NCBP3: variants seen among roughly 807,000 people sequenced by gnomAD.
NCBP3 encodes nuclear cap-binding protein subunit 3.
In NCBP3, 20 loss-of-function variants were observed where a neutral mutation model predicts 75.7. That is an observed-to-expected ratio of 0.26 (90% CI 0.19 to 0.38). NCBP3 has a LOEUF of 0.38. Ranked by LOEUF, NCBP3 falls within the 10% of genes least tolerant of loss-of-function variation. The probability of loss-of-function intolerance (pLI) is 1.00; values close to 1 mark genes in which losing one functional copy is unlikely to be tolerated. For missense variants in NCBP3, 678 were observed against 796.9 expected (o/e 0.85, Z 1.80); for synonymous variants, 293 against 290.5 (o/e 1.01, Z -0.09).
At position 3,846,114 on chromosome 17, in the gene NCBP3, G is replaced by A. The variant is rs1463076012; in HGVS notation, c.110C>T (p.Pro37Leu). 12 of 1,548,234 alleles carry A rather than the reference G, an allele frequency of 7.8e-6. No individual in the cohort carries two copies. The Admixed American group carries it at 1.2e-4, about 15-fold the overall frequency. Reference sequence around the variant, plus strand: ...GCCCTCCTCCACCTCCATGGGCTCCGGCTCGCCACGGTCAACACCGGACTC... The same window carrying A: ...GCCCTCCTCCACCTCCATGGGCTCCAGCTCGCCACGGTCAACACCGGACTC... ...EAESGVDRGE[P>L]EPMEVEEGEL... Residue 37 changes from proline (P) to leucine (L), a missense_variant, in exon 1 of 13, where the codon CCG becomes CTG. Coordinates refer to ENST00000389005, the MANE Select transcript of NCBP3 (RefSeq NM_001114118.3). The surrounding 1 kb of genome is among the most constrained non-coding windows in gnomAD (Gnocchi z 4.6).
At chr17:3,814,812 T>C (rs35179217) in intron 11 of NCBP3, among the ~76,000 whole-genome samples, 47,392 of 151,988 alleles carry the variant, frequency 0.31, 7,712 homozygotes, top group African/African-American at 0.37. Flanking sequence ...TGTGAGCTCC[T>C]GGAAAGTGGA....
intron 9 of NCBP3, among the ~76,000 whole-genome samples, 155 bp downstream of exon 9, chr17:3,821,094 A>G (rs938272480): frequency 3.9e-5 from 6 of 152,178 alleles, no homozygotes; most frequent in Non-Finnish European, 8.8e-5. Context: ...CTTAAAATTA[A>G]TTGTGACTTG....
chr17:3,829,077 G>C (rs973809591), intron 4 of NCBP3, among the ~76,000 whole-genome samples, 166 bp downstream of exon 4: 16 of 152,230 alleles, frequency 1.1e-4, no homozygotes, highest in Admixed American at 1.0e-3. Context: ...GACTGGCAAG[G>C]GCATGCTGCG....
intron 3 of NCBP3, among the ~76,000 whole-genome samples, chr17:3,832,923 T>C (rs979798218): frequency 2.0e-5 from 3 of 152,064 alleles, no homozygotes; most frequent in African/African-American, 7.2e-5. Flanking sequence ...TTTCCTGACA[T>C]CCCAGATTTA....
chr17:3,826,627 T>C (rs996995034), intron 4 of NCBP3, among the ~76,000 whole-genome samples: 10 of 147,694 alleles, frequency 6.8e-5, no homozygotes, highest in African/African-American at 2.0e-4. Flanking sequence ...TGAGACTTTG[T>C]CTCAAAAGAA....
rs2054094932 is a variant in NCBP3, at chr17:3,843,079, G to A, written c.249+7C>T. The A allele has an allele frequency of 6.5e-7, 1 of 1,548,132 alleles. No individual in the cohort carries two copies. Among genetic ancestry groups the A allele is most frequent in the African/African-American group, 1.4e-5 (1 of 72,948 alleles). On this transcript the variant is annotated splice_region_variant and intron_variant, in intron 2 of 12. Coordinates refer to ENST00000389005, the MANE Select transcript of NCBP3 (RefSeq NM_001114118.3). ...AAGCTGAATAAATAAATCATAGCCTGTCTTACCTTGGAGGTGACATCAATT... is the reference window on the plus strand; with the variant it reads ...AAGCTGAATAAATAAATCATAGCCTATCTTACCTTGGAGGTGACATCAATT...
chr17:3,824,961 G>T lies in NCBP3; in HGVS notation c.777C>A (p.Phe259Leu). 1 of 1,533,816 alleles carries T rather than the reference G, an allele frequency of 6.5e-7. No individual in the cohort carries two copies. Among genetic ancestry groups the T allele is most frequent in the South Asian group, 1.2e-5 (1 of 81,468 alleles). ...ATTTACCTTTTGTAGCAAATCTCAT[G>T]AATAACCTATTTCCTTTAGCAAGTT... Reference protein sequence around the residue: ...ANKLAKGNRLFMRFATKDDKK... With the variant: ...ANKLAKGNRLLMRFATKDDKK... The change falls in exon 7 of 13, where the codon TTC becomes TTA. Residue 259 changes from phenylalanine (F) to leucine (L), a missense_variant. By Grantham distance (22) the Phe-to-Leu change is conservative. Coordinates refer to ENST00000389005, the MANE Select transcript of NCBP3 (RefSeq NM_001114118.3).
At chr17:3,844,219 C>G (rs1171200826) in intron 1 of NCBP3, among the ~76,000 whole-genome samples, 1 of 152,172 alleles carries the variant, frequency 6.6e-6, no homozygotes, top group East Asian at 1.9e-4. Context: ...GATTTGGAAA[C>G]CAAGCGAGGA....
intron 3 of NCBP3, among the ~76,000 whole-genome samples, chr17:3,830,298 TAATA>T (rs2053855187): frequency 6.6e-6 from 1 of 152,166 alleles, no homozygotes; most frequent in African/African-American, 2.4e-5. Context: ...GTTACCAGGG[TAATA>T]AATTATGCTT....
chr17:3,815,226 G>T (rs2053507158), intron 11 of NCBP3, among the ~76,000 whole-genome samples: 2 of 152,120 alleles, frequency 1.3e-5, no homozygotes, highest in Non-Finnish European at 2.9e-5. Flanking sequence ...CCCTCAAGTT[G>T]TCTTTCTAAA....
chr17:3,844,643 G>A (rs1010666884), intron 1 of NCBP3, among the ~76,000 whole-genome samples: 3 of 152,192 alleles, frequency 2.0e-5, no homozygotes, highest in Non-Finnish European at 4.4e-5. Context: ...CTGAGGTCAG[G>A]TGTTCGAGAC....
intron 10 of NCBP3, among the ~76,000 whole-genome samples, chr17:3,816,725 C>A (rs972550010): frequency 6.6e-6 from 1 of 152,214 alleles, no homozygotes; most frequent in Non-Finnish European, 1.5e-5. Flanking sequence ...GCATTCTCTA[C>A]CAGAAAGCTC....
At chr17:3,828,458 T>A (rs2053824598) in intron 4 of NCBP3, among the ~76,000 whole-genome samples, 1 of 152,070 alleles carries the variant, frequency 6.6e-6, no homozygotes, top group African/African-American at 2.4e-5. Context: ...TTTCACTCAG[T>A]CATGTTTGTC....
intron 1 of NCBP3, among the ~76,000 whole-genome samples, chr17:3,844,657 C>A (rs1949640549): frequency 6.6e-6 from 1 of 152,142 alleles, no homozygotes; most frequent in African/African-American, 2.4e-5. Flanking sequence ...TCGAGACCAG[C>A]CTGGCCAACA....
Position 3,812,781 on chromosome 17 carries a change from T to C in NCBP3, c.*263A>G. On this transcript the variant is annotated 3_prime_UTR_variant, in exon 13 of 13. Coordinates refer to ENST00000389005, the MANE Select transcript of NCBP3 (RefSeq NM_001114118.3). Reference sequence around the variant, plus strand: ...AAAATGTCTACAAAATCTGGAGGGCTGCCTTTTTCTCAAAGGGTAAAGCCT... The same window carrying C: ...AAAATGTCTACAAAATCTGGAGGGCCGCCTTTTTCTCAAAGGGTAAAGCCT... 2 of 1,300,816 alleles carry C rather than the reference T, an allele frequency of 1.5e-6. No homozygotes were observed. The highest frequency in any genetic ancestry group is 3.7e-5 in the South Asian group (2 of 54,282). The allele number at this position is 1,300,816 out of a possible 1,614,324, so 80.6% of individuals were successfully genotyped here. A position where few individuals can be genotyped will look rare whatever the true frequency, so the allele number is the denominator to read the frequency against.
chr17:3,826,474 C>CA (rs979208698), intron 4 of NCBP3, among the ~76,000 whole-genome samples: 12 of 151,608 alleles, frequency 7.9e-5, no homozygotes, highest in Admixed American at 4.6e-4. Context: ...CCTGTCTCTA[C>CA]AAAAAAATAC....
At chr17:3,831,528 G>A (rs1423743508) in intron 3 of NCBP3, among the ~76,000 whole-genome samples, 19 of 126,216 alleles carry the variant, frequency 1.5e-4, no homozygotes, top group African/African-American at 4.2e-4. Context: ...AGCCAAAATC[G>A]CGCCACTGCA....
intron 3 of NCBP3, among the ~76,000 whole-genome samples, chr17:3,832,728 AATT>A (rs1330000049): frequency 3.9e-5 from 6 of 152,166 alleles, no homozygotes. Flanking sequence ...AAAATTTAAA[AATT>A]TTTTAGCCCA....
At position 3,818,666 on chromosome 17, in the gene NCBP3, G is replaced by A. The variant is rs2053602458; in HGVS notation, c.1001-94C>T. 2.9e-6 allele frequency: 4 copies of A among 1,381,758 alleles called. No individual in the cohort carries two copies. The highest frequency in any genetic ancestry group is 1.4e-5 in the African/African-American group (1 of 69,168). 85.6% of individuals were successfully genotyped at this position (1,381,758 alleles called of 1,614,324 possible). ...ATCGGTGACCTTTTTAAAAGGTGGG[G>A]TTCCCATCCCTGACATTTTATTGGA... On this transcript the variant is annotated intron_variant, in intron 9 of 12. Coordinates refer to ENST00000389005, the MANE Select transcript of NCBP3 (RefSeq NM_001114118.3). This position sits in a 1 kb window ranked among gnomAD's most constrained non-coding sequence, Gnocchi z 4.7.
Sources: gnomAD v4.1 joint callset for allele counts (sites outside exome capture counted in the v4.1 genomes callset) on GRCh38, gnomAD v4.1.1 for gene constraint, Gnocchi (gnomAD v3.1) non-coding constraint, MANE v1.5 for transcripts, NCBI Gene and HGNC (gene_info 2026-07-23, HGNC 2026-07-21) for gene names.